The following ANKRD53 variants were observed in gnomAD, a reference collection of about 807,000 sequenced individuals.
ANKRD53 encodes ankyrin repeat domain 53, also known as ankyrin repeat domain-containing protein 53.
In ANKRD53, 27 loss-of-function variants were observed where a neutral mutation model predicts 30.1. That is an observed-to-expected ratio of 0.90 (90% CI 0.66 to 1.24). The LOEUF is 1.24. Among genes scored for constraint, ANKRD53 ranks in the 50% most tolerant of loss-of-function variants. The pLI, the probability that ANKRD53 is intolerant of heterozygous loss-of-function variation, is 0.00. For synonymous variants in ANKRD53, 286 were observed against 295.4 expected, an observed-to-expected ratio of 0.97 and a Z score of 0.33; for missense variants, 682 against 721.0, an observed-to-expected ratio of 0.95 and a Z score of 0.62.
chr2:70,982,714 G>T lies in ANKRD53; in HGVS notation c.903+17G>T. The T allele has an allele frequency of 6.2e-7, 1 of 1,612,562 alleles. No individual in the cohort carries two copies. The highest frequency in any genetic ancestry group is 8.5e-7 in the Non-Finnish European group (1 of 1,179,136). On this transcript the variant is annotated intron_variant, in intron 5 of 5. Coordinates refer to ENST00000360589, the MANE Select transcript of ANKRD53 (RefSeq NM_001115116.2). This position sits in a 1 kb window ranked among gnomAD's most constrained non-coding sequence, Gnocchi z 4.2. ...GAGTATCAAGTAAGGGGGACAGCAG[G>T]GGGGCCAGGGGACAGCTGCTATCCA...
chr2:70,979,805 A>T lies in ANKRD53; in HGVS notation c.562A>T (p.Thr188Ser), dbSNP rs781907514. 6.2e-7 allele frequency: 1 copy of T among 1,614,142 alleles called. No homozygotes were observed. Among genetic ancestry groups the T allele is most frequent in the South Asian group, 1.1e-5 (1 of 91,088 alleles). The change falls in exon 3 of 6, where the codon ACC (threonine) becomes TCC (serine). Residue 188 changes from threonine to serine, a missense_variant. Transcript: ENST00000360589. ...LHLVIHRDNTTVALPCIYYLL... is the reference protein window; with the variant it reads ...LHLVIHRDNTSVALPCIYYLL... ...CCTCGTCATCCACAGGGACAACACC[A>T]CCGTGGCCCTCCCCTGCATCTACTA...
At chr2:70,980,717 G>T (rs1026392351) in intron 3 of ANKRD53, among the ~76,000 whole-genome samples, 4 of 152,284 alleles carry the variant, frequency 2.6e-5, no homozygotes, top group Admixed American at 2.0e-4. Context: ...AGGCTGGGGC[G>T]AGCGGATCAC....
chr2:70,985,418 T>A lies in ANKRD53; in HGVS notation c.*118T>A. On this transcript the variant is annotated 3_prime_UTR_variant, in exon 6 of 6. Transcript: ENST00000360589. Reference sequence around the variant, plus strand: ...GCCTATGGGCTTCCCACTCCCAAGCTCGAGGAGTCACCCTTCCCAATCAAA... The same window carrying A: ...GCCTATGGGCTTCCCACTCCCAAGCACGAGGAGTCACCCTTCCCAATCAAA... 1.1e-6 allele frequency: 1 copy of A among 909,920 alleles called. No homozygotes were observed. The highest frequency in any genetic ancestry group is 1.6e-6 in the Non-Finnish European group (1 of 612,884). 56.4% of individuals were successfully genotyped at this position (909,920 alleles called of 1,614,324 possible).
chr2:70,978,859 C>A lies in ANKRD53; in HGVS notation c.170+44C>A, dbSNP rs1553422901. ...TGTCCCGGCTGCAGGGAGCGAGAAC[C>A]CGGCCCAGCGCCTCCCTGGTGGGCA... On this transcript the variant is annotated intron_variant, in intron 1 of 5. Transcript: ENST00000360589. This position sits in a 1 kb window ranked among gnomAD's most constrained non-coding sequence, Gnocchi z 4.3. 1 of 1,532,226 alleles carries A rather than the reference C, an allele frequency of 6.5e-7. No individual in the cohort carries two copies. The highest frequency in any genetic ancestry group is 8.8e-7 in the Non-Finnish European group (1 of 1,138,348). The allele number at this position is 1,532,226 out of a possible 1,614,324, so 94.9% of individuals were successfully genotyped here.
chr2:70,985,321 C>G lies in ANKRD53; in HGVS notation c.*21C>G, dbSNP rs1670156876. ...CATAAAGTTATTATGGCTACCTCTC[C>G]CCCTGAGGCAGCCCAGTGAAGGCTG... On this transcript the variant is annotated 3_prime_UTR_variant, in exon 6 of 6. Coordinates refer to ENST00000360589, the MANE Select transcript of ANKRD53 (RefSeq NM_001115116.2). The G allele has an allele frequency of 6.5e-7, 1 of 1,537,480 alleles. No individual in the cohort carries two copies. The highest frequency in any genetic ancestry group is 1.4e-5 in the African/African-American group (1 of 72,760).
chr2:70,981,333 G>T (rs1670004056), intron 3 of ANKRD53, among the ~76,000 whole-genome samples: 1 of 152,142 alleles, frequency 6.6e-6, no homozygotes, highest in African/African-American at 2.4e-5. Context: ...ACAGAGCATG[G>T]GAAGTGGTTA....
At position 70,979,758 on chromosome 2, in the gene ANKRD53, A is replaced by G. The variant is rs782600083; in HGVS notation, c.515A>G (p.Asn172Ser). 1.9e-6 allele frequency: 3 copies of G among 1,614,096 alleles called. No individual in the cohort carries two copies. The highest frequency in any genetic ancestry group is 1.7e-5 in the Admixed American group (1 of 60,012). The change falls in exon 3 of 6, where the codon AAC (asparagine) becomes AGC (serine). Residue 172 changes from asparagine (N) to serine (S), a missense_variant. Asn to Ser is a conservative substitution (Grantham distance 46). Coordinates refer to ENST00000360589, the MANE Select transcript of ANKRD53 (RefSeq NM_001115116.2). The stretch of plus-strand genomic sequence containing the variant: ...AAGTTTCCCGTGGACCTGCTGACCA[A>G]CAATAGCCAGACACCCCTGCACCTC... Reference protein sequence around the residue: ...EYKFPVDLLTNNSQTPLHLVI... With the variant: ...EYKFPVDLLTSNSQTPLHLVI...
chr2:70,979,194 C>G lies in ANKRD53; in HGVS notation c.268C>G (p.Pro90Ala). The G allele has an allele frequency of 1.9e-6, 3 of 1,613,028 alleles. No individual in the cohort carries two copies. Among genetic ancestry groups the G allele is most frequent in the Non-Finnish European group, 2.5e-6 (3 of 1,179,882 alleles). ...PASLTPPRAD[P>A]SPSKESDQTA... Reference sequence around the variant, plus strand: ...CTCGCTCACCCCGCCCCGCGCTGACCCCAGCCCCAGCAAGGAGTCCGACCA... The same window carrying G: ...CTCGCTCACCCCGCCCCGCGCTGACGCCAGCCCCAGCAAGGAGTCCGACCA... The change falls in exon 2 of 6, where the codon CCC (proline) becomes GCC (alanine). Residue 90 changes from proline to alanine, a missense_variant. Coordinates refer to ENST00000360589, the MANE Select transcript of ANKRD53 (RefSeq NM_001115116.2).
chr2:70,982,185 C>T lies in ANKRD53; in HGVS notation c.782+85C>T. ...CCTAGGGCCCTCACCACAGCTGAGC[C>T]TTTAAGGGGAGGGTTGGGAAGCCAG... On this transcript the variant is annotated intron_variant, in intron 4 of 5. Transcript: ENST00000360589. The surrounding 1 kb of genome is among the most constrained non-coding windows in gnomAD (Gnocchi z 4.2). 6.9e-7 allele frequency: 1 copy of T among 1,451,968 alleles called. No homozygotes were observed. Among genetic ancestry groups the T allele is most frequent in the South Asian group, 1.4e-5 (1 of 70,650 alleles). The allele number at this position is 1,451,968 out of a possible 1,614,324, so 89.9% of individuals were successfully genotyped here.
chr2:70,979,110 G>A lies in ANKRD53; in HGVS notation c.184G>A (p.Asp62Asn). 1 of 1,491,728 alleles carries A rather than the reference G, an allele frequency of 6.7e-7. No homozygotes were observed. Among genetic ancestry groups the A allele is most frequent in the South Asian group, 1.1e-5 (1 of 88,902 alleles). 92.4% of individuals were successfully genotyped at this position (1,491,728 alleles called of 1,614,324 possible). A position where few individuals can be genotyped will look rare whatever the true frequency, so the allele number is the denominator to read the frequency against. Residue 62 changes from aspartate to asparagine, a missense_variant, in exon 2 of 6, where the codon GAC becomes AAC. Coordinates refer to ENST00000360589, the MANE Select transcript of ANKRD53 (RefSeq NM_001115116.2). ...ESKQPSQPLP[D>N]LADHLSAQAT... ...CCCGCCCTCCAGCCAGCCCCTGCCC[G>A]ACCTCGCAGACCACCTCAGTGCGCA...
In ANKRD53 at chr2:70,982,093, T is replaced by C; in HGVS notation, c.775T>C (p.Cys259Arg). ...CTGCAAAATATGGAACCACCGTGCCTGTGCCCGGTGAGAGTGTGAGAACCA... is the reference window on the plus strand; with the variant it reads ...CTGCAAAATATGGAACCACCGTGCCCGTGCCCGGTGAGAGTGTGAGAACCA... ...DFCKIWNHRA[C>R]ARFLKDAMWK... The change falls in exon 4 of 6, where the codon TGT becomes CGT. Residue 259 changes from cysteine to arginine, a missense_variant. Coordinates refer to ENST00000360589, the MANE Select transcript of ANKRD53 (RefSeq NM_001115116.2). This position sits in a 1 kb window ranked among gnomAD's most constrained non-coding sequence, Gnocchi z 4.2. 6.2e-7 allele frequency: 1 copy of C among 1,604,066 alleles called. No individual in the cohort carries two copies. Among genetic ancestry groups the C allele is most frequent in the Non-Finnish European group, 8.5e-7 (1 of 1,174,538 alleles).
Position 70,978,924 on chromosome 2 carries a change from A to G in ANKRD53, c.170+109A>G. On this transcript the variant is annotated intron_variant, in intron 1 of 5. Transcript: ENST00000360589. This position sits in a 1 kb window ranked among gnomAD's most constrained non-coding sequence, Gnocchi z 4.3. ...CGGGGGCGGAGGCTGCGGCCCGAGAAGCCAGCAGAGACAGGCTGGGGCCAG... is the reference window on the plus strand; with the variant it reads ...CGGGGGCGGAGGCTGCGGCCCGAGAGGCCAGCAGAGACAGGCTGGGGCCAG... 3 of 1,449,194 alleles carry G rather than the reference A, an allele frequency of 2.1e-6. No individual in the cohort carries two copies. Among genetic ancestry groups the G allele is most frequent in the East Asian group, 5.2e-5 (2 of 38,322 alleles). The allele number at this position is 1,449,194 out of a possible 1,614,324, so 89.8% of individuals were successfully genotyped here. A position where few individuals can be genotyped will look rare whatever the true frequency, so the allele number is the denominator to read the frequency against.
At position 70,982,475 on chromosome 2, in the gene ANKRD53, C is replaced by A; in HGVS notation, c.783-102C>A. 2 of 1,516,656 alleles carry A rather than the reference C, an allele frequency of 1.3e-6. No individual in the cohort carries two copies. The highest frequency in any genetic ancestry group is 1.8e-6 in the Non-Finnish European group (2 of 1,113,974). The allele number at this position is 1,516,656 out of a possible 1,614,324, so 93.9% of individuals were successfully genotyped here. On this transcript the variant is annotated intron_variant, in intron 4 of 5. Transcript: ENST00000360589. This position sits in a 1 kb window ranked among gnomAD's most constrained non-coding sequence, Gnocchi z 4.2. The stretch of plus-strand genomic sequence containing the variant: ...TCTTGCTCCTCTCCCTCTGGCCACT[C>A]CCCTCATCCCCATCCAAGCCCTCAG...
intron 5 of ANKRD53, 152 bp from the exon 6 acceptor site, chr2:70,984,459 T>TCCATCAGACTCAGACTTCCCTC: frequency 6.6e-7 from 1 of 1,523,062 alleles, no homozygotes; most frequent in Non-Finnish European, 8.7e-7. Flanking sequence ...AGGTGTTGCT[T>TCCATCAGACTCAGACTTCCCTC]CCATCAGACT....
In ANKRD53 at chr2:70,982,677, A is replaced by G. The variant is rs782638141; in HGVS notation, c.883A>G (p.Asn295Asp). 1 of 1,614,142 alleles carries G rather than the reference A, an allele frequency of 6.2e-7. No homozygotes were observed. The highest frequency in any genetic ancestry group is 8.5e-7 in the Non-Finnish European group (1 of 1,180,014). The change falls in exon 5 of 6, where the codon AAC (asparagine) becomes GAC (aspartate). Residue 295 changes from asparagine to aspartate, a missense_variant. Physicochemically the swap from Asn to Asp is conservative, Grantham distance 23. Coordinates refer to ENST00000360589, the MANE Select transcript of ANKRD53 (RefSeq NM_001115116.2). The surrounding 1 kb of genome is among the most constrained non-coding windows in gnomAD (Gnocchi z 4.2). The part of the protein sequence containing the change: ...FKSQLTLMEH[N>D]YLIEYQKEHK... ...GAGCCAGCTGACCCTCATGGAGCAC[A>G]ACTACCTGATTGAGTATCAAGTAAG...
At position 70,983,982 on chromosome 2, in the gene ANKRD53, G is replaced by A. The variant is rs921482790; in HGVS notation, c.904-629G>A. 4 of 731,178 alleles carry A rather than the reference G, an allele frequency of 5.5e-6. No individual in the cohort carries two copies. In the African/African-American group the frequency reaches 7.0e-5, roughly 13 times the overall value. 45.3% of individuals were successfully genotyped at this position (731,178 alleles called of 1,614,324 possible). A position where few individuals can be genotyped will look rare whatever the true frequency, so the allele number is the denominator to read the frequency against. Reference sequence around the variant, plus strand: ...ATATGGAAGGCTCCGTGGAGGCAAGGACAGAGCTAGATTGAGTTGCTGCCA... The same window carrying A: ...ATATGGAAGGCTCCGTGGAGGCAAGAACAGAGCTAGATTGAGTTGCTGCCA... On this transcript the variant is annotated intron_variant, in intron 5 of 5. Coordinates refer to ENST00000360589, the MANE Select transcript of ANKRD53 (RefSeq NM_001115116.2).
At position 70,980,591 on chromosome 2, in the gene ANKRD53, G is replaced by A. The variant is rs910773729; in HGVS notation, c.617+731G>A. Among the ~76,000 whole-genome samples, 10 of 151,682 alleles carry A rather than the reference G, an allele frequency of 6.6e-5. No homozygotes were observed. In the East Asian group the frequency reaches 2.0e-3, roughly 30 times the overall value. On this transcript the variant is annotated intron_variant, in intron 3 of 5. Coordinates refer to ENST00000360589, the MANE Select transcript of ANKRD53 (RefSeq NM_001115116.2). ...CGGGAGGTGGAGGTTGCGGTGGGCC[G>A]AGATTGCTCCAATGCACTCCAGCCT...
At chr2:70,980,212 G>A (rs1669964041) in intron 3 of ANKRD53, among the ~76,000 whole-genome samples, 1 of 152,128 alleles carries the variant, frequency 6.6e-6, no homozygotes, top group Non-Finnish European at 1.5e-5. Flanking sequence ...CTATTCGGGA[G>A]GCTGAGGCAG....
rs566498186 is a variant in ANKRD53 at position 70,978,860 on chromosome 2, C to G, written c.170+45C>G. 3.9e-5 allele frequency: 60 copies of G among 1,529,842 alleles called. No individual in the cohort carries two copies. The South Asian group carries it at 6.4e-4, about 16-fold the overall frequency. 94.8% of individuals were successfully genotyped at this position (1,529,842 alleles called of 1,614,324 possible). A position where few individuals can be genotyped will look rare whatever the true frequency, so the allele number is the denominator to read the frequency against. Reference sequence around the variant, plus strand: ...GTCCCGGCTGCAGGGAGCGAGAACCCGGCCCAGCGCCTCCCTGGTGGGCAG... The same window carrying G: ...GTCCCGGCTGCAGGGAGCGAGAACCGGGCCCAGCGCCTCCCTGGTGGGCAG... On this transcript the variant is annotated intron_variant, in intron 1 of 5. Coordinates refer to ENST00000360589, the MANE Select transcript of ANKRD53 (RefSeq NM_001115116.2). The surrounding 1 kb of genome is among the most constrained non-coding windows in gnomAD (Gnocchi z 4.3).
Sources: allele counts gnomAD v4.1 joint callset (sites outside exome capture counted in the v4.1 genomes callset), GRCh38; gene constraint gnomAD v4.1.1; non-coding constraint Gnocchi (gnomAD v3.1); transcripts MANE v1.5; gene names NCBI Gene and HGNC (gene_info 2026-07-23, HGNC 2026-07-21).